DAB2IP: variants seen among roughly 807,000 people sequenced by gnomAD.
The protein encoded by DAB2IP is DAB2 interacting protein, also known as disabled homolog 2-interacting protein.
DAB2IP carries 28 observed loss-of-function variants against 107.2 expected under a neutral mutation model. The ratio of observed to expected loss-of-function variants is 0.26; its 90% confidence interval spans 0.19 to 0.36. The LOEUF (loss-of-function observed/expected upper bound fraction) is 0.36. DAB2IP is among the 10% of genes least tolerant of loss of function. The pLI, the probability that DAB2IP is intolerant of heterozygous loss-of-function variation, is 1.00. For synonymous variants in DAB2IP, 755 were observed against 706.4 expected (o/e 1.07, Z -1.09); for missense variants, 1,400 against 1,644.7 (o/e 0.85, Z 2.57).
At chr9:121,568,788 G>T (rs1377131996) in intron 1 of DAB2IP, among the ~76,000 whole-genome samples, 2 of 152,218 alleles carry the variant, frequency 1.3e-5, no homozygotes, top group African/African-American at 2.4e-5. Context: ...ACCAGCCCCA[G>T]CCAGGGATAT....
chr9:121,754,227 C>T (rs1415896067), intron 3 of DAB2IP, among the ~76,000 whole-genome samples: 2 of 152,228 alleles, frequency 1.3e-5, no homozygotes, highest in African/African-American at 2.4e-5. Context: ...CACAGCAGAC[C>T]AGCTCCCTCT....
intron 1 of DAB2IP, among the ~76,000 whole-genome samples, chr9:121,657,273 T>C (rs1833007566): frequency 6.6e-6 from 1 of 152,214 alleles, no homozygotes; most frequent in East Asian, 1.9e-4. Context: ...GGCAGACACC[T>C]GAGGCCTAAT....
At chr9:121,578,141 C>T (rs1178064013) in intron 1 of DAB2IP, among the ~76,000 whole-genome samples, 1 of 152,106 alleles carries the variant, frequency 6.6e-6, no homozygotes. Flanking sequence ...GTCCCCCAAA[C>T]CCTTCTGAGC....
At chr9:121,576,792 T>C (rs977884895) in intron 1 of DAB2IP, among the ~76,000 whole-genome samples, 1 of 152,112 alleles carries the variant, frequency 6.6e-6, no homozygotes, top group Non-Finnish European at 1.5e-5. Flanking sequence ...GCTTGCTGTG[T>C]CTGAAGGGCC....
intron 1 of DAB2IP, among the ~76,000 whole-genome samples, chr9:121,674,379 C>T (rs1328139088): frequency 6.6e-6 from 1 of 152,134 alleles, no homozygotes; most frequent in Non-Finnish European, 1.5e-5. Flanking sequence ...GGGAAGGTGC[C>T]CCAGGTTTCC....
At chr9:121,605,879 G>C (rs1830853501) in intron 1 of DAB2IP, among the ~76,000 whole-genome samples, 1 of 152,160 alleles carries the variant, frequency 6.6e-6, no homozygotes, top group East Asian at 1.9e-4. Context: ...ATTGTGTCGG[G>C]GGCCCACAGA....
chr9:121,734,328 G>T (rs1468991486), intron 3 of DAB2IP, among the ~76,000 whole-genome samples: 2 of 150,216 alleles, frequency 1.3e-5, no homozygotes, highest in East Asian at 1.9e-4. Context: ...AGTGAGCCGA[G>T]ATTGCGCCAT....
chr9:121,781,225 G>A (rs1344639661), intron 14 of DAB2IP, among the ~76,000 whole-genome samples: 1 of 152,186 alleles, frequency 6.6e-6, no homozygotes, highest in Non-Finnish European at 1.5e-5. Flanking sequence ...GGGCCTCTGG[G>A]GCTTTAGGAG....
exon 6 of DAB2IP, chr9:121,759,953 G>A (rs763352697): frequency 1.2e-6 from 2 of 1,614,180 alleles, no homozygotes; most frequent in Non-Finnish European, 1.7e-6. Context: ...TGCCAGCCAA[G>A]AAGAAGTACC....
chr9:121,574,301 C>G (rs1215118027), intron 1 of DAB2IP, among the ~76,000 whole-genome samples: 1 of 152,104 alleles, frequency 6.6e-6, no homozygotes, highest in Non-Finnish European at 1.5e-5. Flanking sequence ...GACCTGGGCT[C>G]TCATCGAGCC....
chr9:121,703,154 C>A (rs1423991442), intron 3 of DAB2IP, among the ~76,000 whole-genome samples: 2 of 152,192 alleles, frequency 1.3e-5, no homozygotes, highest in Non-Finnish European at 2.9e-5. Context: ...TTGGGGATGG[C>A]AGCTTCCAGG....
intron 1 of DAB2IP, among the ~76,000 whole-genome samples, chr9:121,568,344 T>C (rs1829855505): frequency 6.6e-6 from 1 of 152,068 alleles, no homozygotes; most frequent in Non-Finnish European, 1.5e-5. Context: ...AGACCTGGCA[T>C]CTTTGGGCCC....
chr9:121,590,564 A>G (rs1830404911), intron 1 of DAB2IP, among the ~76,000 whole-genome samples: 1 of 152,126 alleles, frequency 6.6e-6, no homozygotes, highest in Non-Finnish European at 1.5e-5. Context: ...CTCATCTGTC[A>G]AAAGGGAATA....
intron 1 of DAB2IP, among the ~76,000 whole-genome samples, chr9:121,618,360 A>G (rs1468578896): frequency 2.0e-5 from 3 of 151,228 alleles, no homozygotes; most frequent in African/African-American, 7.3e-5. Context: ...TGGTAAATTC[A>G]ATGGATTTTT....
At chr9:121,764,498 G>A (rs1426925442) in intron 8 of DAB2IP, among the ~76,000 whole-genome samples, 1 of 152,236 alleles carries the variant, frequency 6.6e-6, no homozygotes, top group South Asian at 2.1e-4. Flanking sequence ...ACGGCCACCA[G>A]CTTGCTCCTG....
chr9:121,689,638 G>T (rs1024972287), intron 2 of DAB2IP, among the ~76,000 whole-genome samples: 1 of 152,026 alleles, frequency 6.6e-6, no homozygotes, highest in Non-Finnish European at 1.5e-5. Context: ...CTGCCTTGGG[G>T]CCCCCCGGGC....
chr9:121,713,716 C>CTTAG lies in DAB2IP; in HGVS notation c.362+14259_362+14262dup, dbSNP rs1830450654. ...GGTGAATTTGTTCACAGCAGCTGGG[C>CTTAG]TTAGAGGCTGCACCGGGGCTGAGAT... On this transcript the variant is annotated intron_variant, in intron 3 of 15. Transcript: ENST00000408936. 2.6e-5 allele frequency among the ~76,000 whole-genome samples: 4 copies of CTTAG among 152,254 alleles called. No homozygotes were observed. The South Asian group carries it at 8.3e-4, about 32-fold the overall frequency.
chr9:121,629,907 C>T (rs565465570), intron 1 of DAB2IP, among the ~76,000 whole-genome samples: 1 of 152,242 alleles, frequency 6.6e-6, no homozygotes, highest in South Asian at 2.1e-4. Flanking sequence ...CCAGGGCTTC[C>T]GGGACCCAGT....
At chr9:121,657,666 C>G (rs1833023892) in intron 1 of DAB2IP, among the ~76,000 whole-genome samples, 1 of 152,162 alleles carries the variant, frequency 6.6e-6, no homozygotes, top group Admixed American at 6.5e-5. Flanking sequence ...AGGGCTCCCT[C>G]TAACTTTCTT....
Sources: gnomAD v4.1 joint callset for allele counts (sites outside exome capture counted in the v4.1 genomes callset) on GRCh38, gnomAD v4.1.1 for gene constraint, MANE v1.5 for transcripts, NCBI Gene and HGNC (gene_info 2026-07-23, HGNC 2026-07-21) for gene names.